The following ARHGEF12 variants were observed in gnomAD, a reference collection of about 807,000 sequenced individuals.
The protein encoded by ARHGEF12 is Rho guanine nucleotide exchange factor 12.
A neutral mutation model predicts 211.2 loss-of-function variants in ARHGEF12; 66 were observed. The ratio of observed to expected loss-of-function variants is 0.31; its 90% CI spans 0.26 to 0.38. The LOEUF is 0.38. Ranked by LOEUF, ARHGEF12 falls within the 10% of genes least tolerant of loss-of-function variation. ARHGEF12 has a pLI of 1.00. For synonymous variants in ARHGEF12, 592 were observed against 638.4 expected, an observed-to-expected ratio of 0.93 and a Z score of 1.09; for missense variants, 1,429 against 1,869.5, an observed-to-expected ratio of 0.76 and a Z score of 4.34.
chr11:120,428,510 A>G (rs569634120), intron 8 of ARHGEF12, among the ~76,000 whole-genome samples: 128 of 152,346 alleles, frequency 8.4e-4, no homozygotes, highest in African/African-American at 2.9e-3. Context: ...GTTCAAGATT[A>G]TAGTCATCTT....
chr11:120,429,837 AT>A lies in ARHGEF12; in HGVS notation c.783+7del. The stretch of plus-strand genomic sequence containing the variant: ...AAGCCACAGGCTCTGCTCAGGTAGC[AT>A]CACTATTACAAGTGCTACCCAACTT... On this transcript the variant is annotated splice_region_variant and intron_variant, in intron 10 of 40. Coordinates refer to ENST00000397843, the MANE Select transcript of ARHGEF12 (RefSeq NM_015313.3). The A allele has an allele frequency of 5.6e-6, 9 of 1,608,872 alleles. No individual in the cohort carries two copies. The highest frequency in any genetic ancestry group is 7.6e-6 in the Non-Finnish European group (9 of 1,178,514).
At chr11:120,360,413 GAC>G (rs1273148545) in intron 1 of ARHGEF12, among the ~76,000 whole-genome samples, 1 of 151,808 alleles carries the variant, frequency 6.6e-6, no homozygotes, top group Non-Finnish European at 1.5e-5. Context: ...TTTATTTTGA[GAC>G]AAGGTCTCAC....
At chr11:120,352,417 G>A (rs1943009340) in intron 1 of ARHGEF12, among the ~76,000 whole-genome samples, 1 of 152,174 alleles carries the variant, frequency 6.6e-6, no homozygotes, top group Non-Finnish European at 1.5e-5. Context: ...CATAAATGAT[G>A]TAAGTAAGTT....
rs764103210 is a variant in ARHGEF12 at position 120,477,315 on chromosome 11, C to T, written c.3452+10C>T. The T allele has an allele frequency of 2.5e-6, 4 of 1,613,086 alleles. No homozygotes were observed. The highest frequency in any genetic ancestry group is 3.3e-4 in the Middle Eastern group (2 of 6,082). On this transcript the variant is annotated intron_variant, in intron 35 of 40. Coordinates refer to ENST00000397843, the MANE Select transcript of ARHGEF12 (RefSeq NM_015313.3). ...AGTCAACACCTGGCGAGTGAGTGTT[C>T]CTTTGCATTGTAGTAGGACTTATTT...
At chr11:120,455,038 A>G (rs1027712524) in intron 22 of ARHGEF12, among the ~76,000 whole-genome samples, 6 of 152,174 alleles carry the variant, frequency 3.9e-5, no homozygotes, top group South Asian at 4.1e-4. Context: ...AAGGAAAAAA[A>G]AGAAGTCCCT....
At chr11:120,465,974 A>G (rs1055320905) in intron 28 of ARHGEF12, among the ~76,000 whole-genome samples, 2 of 152,242 alleles carry the variant, frequency 1.3e-5, no homozygotes, top group Non-Finnish European at 2.9e-5. Flanking sequence ...TTATCCAGGG[A>G]AAAACGTAAC....
At chr11:120,375,604 C>G (rs1943703147) in intron 1 of ARHGEF12, among the ~76,000 whole-genome samples, 1 of 150,560 alleles carries the variant, frequency 6.6e-6, no homozygotes, top group Admixed American at 6.6e-5. Flanking sequence ...GCTAGATTTG[C>G]CGAAAATGAG....
At chr11:120,454,484 T>C (rs1946305480) in intron 22 of ARHGEF12, among the ~76,000 whole-genome samples, 1 of 152,192 alleles carries the variant, frequency 6.6e-6, no homozygotes, top group South Asian at 2.1e-4. Context: ...TTAAACACAG[T>C]GACATCTGTT....
chr11:120,420,923 T>A, intron 5 of ARHGEF12, 72 bp downstream of exon 5: 1 of 1,280,432 alleles, frequency 7.8e-7, no homozygotes, highest in East Asian at 2.4e-5. Flanking sequence ...ATAATGGCAA[T>A]TGCCAAGAAT....
intron 23 of ARHGEF12, 100 bp from the exon 24 acceptor site, chr11:120,457,621 A>G: frequency 2.6e-6 from 2 of 782,044 alleles, no homozygotes; most frequent in East Asian, 2.8e-5. Flanking sequence ...AGAATTATTT[A>G]TCAAGCTGCT....
chr11:120,449,322 T>G (rs1022895788), intron 21 of ARHGEF12, 108 bp downstream of exon 21: 1 of 854,172 alleles, frequency 1.2e-6, no homozygotes, highest in South Asian at 1.8e-5. Context: ...TTAGGATGAT[T>G]TTACTGAATT....
chr11:120,457,945 G>T (rs978566510), intron 24 of ARHGEF12, 135 bp from the exon 25 acceptor site: 2 of 1,199,978 alleles, frequency 1.7e-6, no homozygotes, highest in Middle Eastern at 2.3e-4. Context: ...ACAGCCATTT[G>T]TAGGAGAGGA....
chr11:120,486,345 C>G lies in ARHGEF12; in HGVS notation c.*1268C>G. The G allele has an allele frequency of 4.3e-6, 1 of 233,202 alleles. No homozygotes were observed. Among genetic ancestry groups the G allele is most frequent in the African/African-American group, 2.2e-5 (1 of 45,438 alleles). The allele number at this position is 233,202 out of a possible 1,614,324, so 14.4% of individuals were successfully genotyped here. Reference sequence around the variant, plus strand: ...GCTCCAGAAGCACGTCCTCTGACTTCACTGCCGCAGCTCTTTCCACACGGG... The same window carrying G: ...GCTCCAGAAGCACGTCCTCTGACTTGACTGCCGCAGCTCTTTCCACACGGG... On this transcript the variant is annotated 3_prime_UTR_variant, in exon 41 of 41. Transcript: ENST00000397843.
Position 120,448,365 on chromosome 11 carries a change from G to A in ARHGEF12, c.1737+17G>A, listed in dbSNP as rs772011217. On this transcript the variant is annotated intron_variant, in intron 20 of 40. Transcript: ENST00000397843. ...AAAATCAAGGTAAGAATGAAATAAT[G>A]TAATAGCATGTTCAGGCCTTAGGGC... 1.3e-6 allele frequency: 2 copies of A among 1,592,052 alleles called. No homozygotes were observed. The highest frequency in any genetic ancestry group is 1.3e-5 in the African/African-American group (1 of 74,536).
intron 32 of ARHGEF12, 49 bp downstream of exon 32, chr11:120,474,684 G>A (rs756694181): frequency 2.7e-6 from 4 of 1,470,242 alleles, no homozygotes; most frequent in Non-Finnish European, 3.7e-6. Flanking sequence ...CAAAAGGGAA[G>A]GAATAGGAAA....
chr11:120,450,411 G>C (rs1186330978), intron 21 of ARHGEF12: 1 of 149,144 alleles, frequency 6.7e-6, no homozygotes, highest in Non-Finnish European at 1.5e-5. Flanking sequence ...GCATGGTAGA[G>C]TGGTGGGAGT....
intron 1 of ARHGEF12, among the ~76,000 whole-genome samples, chr11:120,376,790 A>G (rs1943737594): frequency 6.6e-6 from 1 of 152,016 alleles, no homozygotes; most frequent in East Asian, 1.9e-4. Flanking sequence ...CAACTTCCCC[A>G]ACCCCCCACT....
chr11:120,349,381 A>AT (rs148840013), intron 1 of ARHGEF12, among the ~76,000 whole-genome samples: 6,535 of 152,166 alleles, frequency 0.043, 212 homozygotes, highest in South Asian at 0.094. Flanking sequence ...TGAAGCTATC[A>AT]TTTTTTGTCA....
At chr11:120,469,567 A>G (rs1010264371) in intron 30 of ARHGEF12, among the ~76,000 whole-genome samples, 179 bp downstream of exon 30, 2 of 152,184 alleles carry the variant, frequency 1.3e-5, no homozygotes, top group South Asian at 2.1e-4. Context: ...TCGGAGTTGT[A>G]TTTGACTTTT....
Sources: allele counts gnomAD v4.1 joint callset (sites outside exome capture counted in the v4.1 genomes callset), GRCh38; gene constraint gnomAD v4.1.1; transcripts MANE v1.5; gene names NCBI Gene and HGNC (gene_info 2026-07-23, HGNC 2026-07-21).